Variants in XYLT1 observed in about 807,000 individuals in gnomAD.
XYLT1 encodes the protein beta-D-xylosyltransferase 1.
A neutral mutation model predicts 91.3 loss-of-function variants in XYLT1; 36 were observed. The ratio of observed to expected loss-of-function variants is 0.39; its 90% CI spans 0.30 to 0.52. The LOEUF (loss-of-function observed/expected upper bound fraction) is 0.52, where lower values mean the gene tolerates loss of function less well. Among genes scored for constraint, XYLT1 ranks in the 20% least tolerant of loss-of-function variants. The pLI, the probability that XYLT1 is intolerant of heterozygous loss-of-function variation, is 0.68. For missense variants in XYLT1, 1,242 were observed against 1,284.5 expected (o/e 0.97, Z 0.51); for synonymous variants, 588 against 532.0 (o/e 1.11, Z -1.45).
rs1235411760 is a variant in XYLT1 at position 17,353,784 on chromosome 16, G to A, written c.402+4228C>T. 3.3e-5 allele frequency among the ~76,000 whole-genome samples: 5 copies of A among 152,340 alleles called. No homozygotes were observed. In the South Asian group the frequency reaches 8.3e-4, roughly 25 times the overall value. On this transcript the variant is annotated intron_variant, in intron 2 of 11. Transcript: ENST00000261381. ...CCCATTTCTCCAGCTTTGCCTGAAT[G>A]TTAGCAAATCTTTCTACTAGTCAAG...
intron 3 of XYLT1, among the ~76,000 whole-genome samples, chr16:17,252,817 C>T (rs1313307616): frequency 6.6e-6 from 1 of 152,218 alleles, no homozygotes; most frequent in Admixed American, 6.5e-5. Context: ...ATTTTTCAGA[C>T]TTGCAGCCAT....
intron 2 of XYLT1, among the ~76,000 whole-genome samples, chr16:17,293,349 A>G (rs944223191): frequency 6.6e-6 from 1 of 152,104 alleles, no homozygotes; most frequent in Non-Finnish European, 1.5e-5. Context: ...TCTCTAATGG[A>G]ACTTCCACTT....
In XYLT1 at chr16:17,158,915, G is replaced by A. The variant is rs1019625581; in HGVS notation, c.1290-6C>T. Reference sequence around the variant, plus strand: ...CCACCAACTGGTCATTTGTCCTGTGGAAACAAACCAAGGGGAGAGTCAGGC... The same window carrying A: ...CCACCAACTGGTCATTTGTCCTGTGAAAACAAACCAAGGGGAGAGTCAGGC... On this transcript the variant is annotated splice_region_variant and splice_polypyrimidine_tract_variant and intron_variant, in intron 5 of 11. Transcript: ENST00000261381. 14 of 1,613,830 alleles carry A rather than the reference G, an allele frequency of 8.7e-6. No individual in the cohort carries two copies. The Admixed American group carries it at 1.0e-4, about 12-fold the overall frequency.
rs138838404 is a variant in XYLT1 at position 17,244,374 on chromosome 16, T to C, written c.913+14614A>G. Among the ~76,000 whole-genome samples, 293 of 152,232 alleles carry C rather than the reference T, an allele frequency of 1.9e-3. 2 individuals are homozygous for C. Among genetic ancestry groups the C allele is most frequent in the African/African-American group, 6.9e-3 (285 of 41,548 alleles). Reference sequence around the variant, plus strand: ...TCGGAGGACTAGGCACGAGAGATGTTACTAACGTGAAACCTGAAGAGGGAT... The same window carrying C: ...TCGGAGGACTAGGCACGAGAGATGTCACTAACGTGAAACCTGAAGAGGGAT... On this transcript the variant is annotated intron_variant, in intron 3 of 11. Coordinates refer to ENST00000261381, the MANE Select transcript of XYLT1 (RefSeq NM_022166.4).
intron 2 of XYLT1, among the ~76,000 whole-genome samples, chr16:17,338,852 T>C (rs2035026755): frequency 6.6e-6 from 1 of 152,198 alleles, no homozygotes; most frequent in Non-Finnish European, 1.5e-5. Flanking sequence ...CCCAAAGTGC[T>C]GGGATTATCA....
rs899391433 is a variant in XYLT1, at chr16:17,259,596, G to A, written c.403-98C>T. 29 of 1,422,580 alleles carry A rather than the reference G, an allele frequency of 2.0e-5. No homozygotes were observed. The East Asian group carries it at 2.3e-4, about 11-fold the overall frequency. The allele number at this position is 1,422,580 out of a possible 1,614,324, so 88.1% of individuals were successfully genotyped here. A position where few individuals can be genotyped will look rare whatever the true frequency, so the allele number is the denominator to read the frequency against. ...AGTGAGTCATACGGACTTGGAAGCC[G>A]GGGCCATAGTTTCACATCCTACTTT... On this transcript the variant is annotated intron_variant, in intron 2 of 11. Transcript: ENST00000261381.
At chr16:17,271,971 A>C (rs923677784) in intron 2 of XYLT1, among the ~76,000 whole-genome samples, 8 of 152,216 alleles carry the variant, frequency 5.3e-5, no homozygotes, top group Non-Finnish European at 1.0e-4. Flanking sequence ...GGTATTCCAG[A>C]GGGGACAGAG....
At chr16:17,359,994 A>T (rs9923596) in intron 1 of XYLT1, among the ~76,000 whole-genome samples, 4,772 of 152,120 alleles carry the variant, frequency 0.031, 221 homozygotes, top group African/African-American at 0.11. Flanking sequence ...ACCTGGTACG[A>T]GCTTAGTGGG....
chr16:17,123,538 A>G (rs779779223), intron 10 of XYLT1, among the ~76,000 whole-genome samples: 1 of 152,104 alleles, frequency 6.6e-6, no homozygotes, highest in Non-Finnish European at 1.5e-5. Context: ...CTGAGAGAGT[A>G]TGTGCTGTAA....
chr16:17,377,701 C>T (rs2035621233), intron 1 of XYLT1, among the ~76,000 whole-genome samples: 1 of 152,146 alleles, frequency 6.6e-6, no homozygotes, highest in Non-Finnish European at 1.5e-5. Flanking sequence ...GTCCTCGAAA[C>T]CCAGACATGA....
chr16:17,451,072 G>C (rs1420163043), intron 1 of XYLT1, among the ~76,000 whole-genome samples: 4 of 152,214 alleles, frequency 2.6e-5, no homozygotes, highest in Admixed American at 6.5e-5. Context: ...TTGTTGGACA[G>C]AGTGATTTTT....
At chr16:17,179,317 C>G (rs2032013897) in intron 5 of XYLT1, among the ~76,000 whole-genome samples, 1 of 152,138 alleles carries the variant, frequency 6.6e-6, no homozygotes, top group African/African-American at 2.4e-5. Context: ...GTACACCAAA[C>G]CCCCAGGACA....
At chr16:17,317,516 G>C (rs995758798) in intron 2 of XYLT1, among the ~76,000 whole-genome samples, 1 of 150,694 alleles carries the variant, frequency 6.6e-6, no homozygotes, top group African/African-American at 2.4e-5. Flanking sequence ...GTCTGTCCCA[G>C]GTACCTGGGA....
chr16:17,447,990 G>C (rs1327429276), intron 1 of XYLT1, among the ~76,000 whole-genome samples: 1 of 152,214 alleles, frequency 6.6e-6, no homozygotes, highest in South Asian at 2.1e-4. Flanking sequence ...GCAAAAGGGT[G>C]TGTGCTGAAA....
intron 5 of XYLT1, among the ~76,000 whole-genome samples, chr16:17,185,633 T>C (rs2141573045): frequency 6.6e-6 from 1 of 152,328 alleles, no homozygotes; most frequent in East Asian, 1.9e-4. Context: ...AAGATGTCTC[T>C]CTCTCTCCCT....
At chr16:17,195,135 T>C (rs1017478097) in intron 5 of XYLT1, among the ~76,000 whole-genome samples, 3 of 152,208 alleles carry the variant, frequency 2.0e-5, no homozygotes, top group African/African-American at 4.8e-5. Flanking sequence ...TGGAGACATC[T>C]GTGGTTGGCA....
chr16:17,348,094 A>G lies in XYLT1; in HGVS notation c.402+9918T>C, dbSNP rs541283755. The stretch of plus-strand genomic sequence containing the variant: ...AAAGTCCTTGCTGATGAAACCCATC[A>G]AGGTTAGCCTCTGGAGGCCCAGAGA... On this transcript the variant is annotated intron_variant, in intron 2 of 11. Coordinates refer to ENST00000261381, the MANE Select transcript of XYLT1 (RefSeq NM_022166.4). Among the ~76,000 whole-genome samples, 7 of 152,220 alleles carry G rather than the reference A, an allele frequency of 4.6e-5. No individual in the cohort carries two copies. In the South Asian group the frequency reaches 1.2e-3, roughly 27 times the overall value.
At chr16:17,249,153 G>C (rs2033494724) in intron 3 of XYLT1, among the ~76,000 whole-genome samples, 1 of 152,172 alleles carries the variant, frequency 6.6e-6, no homozygotes, top group Non-Finnish European at 1.5e-5. Flanking sequence ...TCCTGGCATA[G>C]ACAGGGGATG....
chr16:17,455,844 C>T (rs1043320421), intron 1 of XYLT1, among the ~76,000 whole-genome samples: 1 of 152,178 alleles, frequency 6.6e-6, no homozygotes, highest in African/African-American at 2.4e-5. Context: ...AATACATGGC[C>T]TTCAACCTAC....
Sources: allele counts gnomAD v4.1 joint callset (sites outside exome capture counted in the v4.1 genomes callset), GRCh38; gene constraint gnomAD v4.1.1; transcripts MANE v1.5; gene names NCBI Gene and HGNC (gene_info 2026-07-23, HGNC 2026-07-21).